Variants in HSD17B12 observed in about 807,000 individuals in gnomAD.
HSD17B12 encodes hydroxysteroid 17-beta dehydrogenase 12.
In HSD17B12, 32 loss-of-function variants were observed where a neutral mutation model predicts 39.3. That is an observed-to-expected ratio of 0.81 (90% CI 0.61 to 1.09). HSD17B12 has a LOEUF of 1.09. Ranked by LOEUF, HSD17B12 falls within the 50% of genes least tolerant of loss-of-function variation. HSD17B12 has a pLI of 0.00. For missense variants in HSD17B12, 342 were observed against 382.9 expected (o/e 0.89, Z 0.89); for synonymous variants, 150 against 146.7 (o/e 1.02, Z -0.16).
chr11:43,703,056 C>T (rs1259760750), intron 1 of HSD17B12, among the ~76,000 whole-genome samples: 1 of 152,060 alleles, frequency 6.6e-6, no homozygotes, highest in Non-Finnish European at 1.5e-5. Flanking sequence ...TGATGTACCT[C>T]TGTCTAGTTT....
chr11:43,619,748 G>C, the HSD17B12 span, among the ~76,000 whole-genome samples: 1 of 152,136 alleles, frequency 6.6e-6, no homozygotes, highest in Non-Finnish European at 1.5e-5. Flanking sequence ...AGAATGTCCA[G>C]ATTAAAATAT....
At chr11:43,596,026 C>A in the HSD17B12 span, among the ~76,000 whole-genome samples, 1 of 152,206 alleles carries the variant, frequency 6.6e-6, no homozygotes, top group Non-Finnish European at 1.5e-5. Flanking sequence ...GACCATCCAG[C>A]CCAAACTCCC....
chr11:43,788,590 G>A (rs1368590233), intron 3 of HSD17B12, among the ~76,000 whole-genome samples: 3 of 149,596 alleles, frequency 2.0e-5, no homozygotes, highest in Non-Finnish European at 4.4e-5. Context: ...TCTCTCACGG[G>A]ACTAATGAAG....
chr11:43,619,391 TTTC>T, the HSD17B12 span, among the ~76,000 whole-genome samples: 3 of 119,132 alleles, frequency 2.5e-5, no homozygotes, highest in African/African-American at 8.0e-5. Flanking sequence ...TTCTTTTTCT[TTTC>T]TTTTTTTTTT....
chr11:43,767,475 AG>A (rs1368828835), intron 3 of HSD17B12, among the ~76,000 whole-genome samples: 1 of 152,194 alleles, frequency 6.6e-6, no homozygotes, highest in African/African-American at 2.4e-5. Flanking sequence ...TTTATTGAAA[AG>A]GTTCACTTTA....
chr11:43,722,035 T>TA (rs1480982916), intron 1 of HSD17B12, among the ~76,000 whole-genome samples: 3 of 151,740 alleles, frequency 2.0e-5, no homozygotes, highest in African/African-American at 7.3e-5. Flanking sequence ...TGGTATGTAT[T>TA]AGACAGGTCT....
Position 43,680,953 on chromosome 11 carries a change from G to T in HSD17B12, c.126G>T (p.Glu42Asp), listed in dbSNP as rs1949737659. 2 of 1,609,246 alleles carry T rather than the reference G, an allele frequency of 1.2e-6. No homozygotes were observed. The highest frequency in any genetic ancestry group is 2.2e-5 in the South Asian group (2 of 90,924). ...TALRVWGVGN[E>D]AGVGPGLGEW... ...TCCGGGTCTGGGGAGTGGGGAATGA[G>T]GCGGGGGTCGGCCCGGGGCTCGGAG... The change falls in exon 1 of 11, where the codon GAG becomes GAT. Residue 42 changes from glutamate to aspartate, a missense_variant. Physicochemically the swap from Glu to Asp is conservative, Grantham distance 45. Coordinates refer to ENST00000278353, the MANE Select transcript of HSD17B12 (RefSeq NM_016142.3).
chr11:43,826,528 A>C (rs989915592), intron 6 of HSD17B12, among the ~76,000 whole-genome samples: 1 of 152,236 alleles, frequency 6.6e-6, no homozygotes, highest in African/African-American at 2.4e-5. Flanking sequence ...TTATTACAAA[A>C]GGAAAAATTT....
intron 6 of HSD17B12, chr11:43,830,608 G>T: frequency 6.4e-6 from 1 of 155,580 alleles, no homozygotes; most frequent in Non-Finnish European, 1.4e-5. Flanking sequence ...AAGTCATCTT[G>T]GTAGGCAGGA....
intron 5 of HSD17B12, 95 bp from the exon 6 acceptor site, chr11:43,816,251 GA>G: frequency 9.7e-7 from 1 of 1,035,246 alleles, no homozygotes; most frequent in Non-Finnish European, 1.3e-6. Context: ...AATATCTGGG[GA>G]AATGTTCAAT....
At chr11:43,753,754 T>C (rs1950486143) in intron 2 of HSD17B12, among the ~76,000 whole-genome samples, 1 of 151,888 alleles carries the variant, frequency 6.6e-6, no homozygotes, top group African/African-American at 2.4e-5. Flanking sequence ...ATAGAAGTGG[T>C]AGACACTTAA....
chr11:43,844,533 C>T (rs962156516), intron 9 of HSD17B12, among the ~76,000 whole-genome samples: 1 of 151,310 alleles, frequency 6.6e-6, no homozygotes, highest in African/African-American at 2.4e-5. Context: ...ACTGTTTGTT[C>T]TCATTACCTT....
intron 1 of HSD17B12, among the ~76,000 whole-genome samples, chr11:43,713,135 A>AT (rs1950085463): frequency 6.6e-6 from 1 of 152,062 alleles, no homozygotes; most frequent in Non-Finnish European, 1.5e-5. Context: ...GCTTTTTTAA[A>AT]TTTTTTTGTT....
At chr11:43,696,390 T>C (rs1051978723) in intron 1 of HSD17B12, among the ~76,000 whole-genome samples, 3 of 152,218 alleles carry the variant, frequency 2.0e-5, no homozygotes, top group Admixed American at 6.5e-5. Context: ...AAAAGACATT[T>C]ATGTGGCCAA....
chr11:43,836,302 A>C (rs1203530913), intron 7 of HSD17B12, among the ~76,000 whole-genome samples: 1 of 152,144 alleles, frequency 6.6e-6, no homozygotes, highest in African/African-American at 2.4e-5. Flanking sequence ...ATGTGAGAAA[A>C]GGTTAAAATA....
chr11:43,764,048 A>T lies in HSD17B12; in HGVS notation c.283+9927A>T, dbSNP rs533929256. Among the ~76,000 whole-genome samples the T allele has an allele frequency of 2.0e-4, 30 of 152,268 alleles. No homozygotes were observed. In the South Asian group the frequency reaches 5.4e-3, roughly 27 times the overall value. On this transcript the variant is annotated intron_variant, in intron 3 of 10. Transcript: ENST00000278353. ...TTCACAAGTGTCAAGCCTTGGCATT[A>T]TATTTCATACTGTGATAATATCAGA... is the stretch of plus-strand genomic sequence containing the variant.
At chr11:43,680,736 G>A, upstream of HSD17B12, 1 of 1,163,676 alleles carries the variant, frequency 8.6e-7, no homozygotes, top group Non-Finnish European at 1.3e-6. Context: ...GCGCCTATTA[G>A]TGTCATCCTC....
chr11:43,813,084 G>T (rs184631281), intron 4 of HSD17B12, among the ~76,000 whole-genome samples: 2 of 152,024 alleles, frequency 1.3e-5, no homozygotes, highest in Non-Finnish European at 2.9e-5. Flanking sequence ...CTCGTGATCC[G>T]CCTGCCTCAG....
intron 1 of HSD17B12, among the ~76,000 whole-genome samples, chr11:43,709,611 G>T (rs1950046835): frequency 6.6e-6 from 1 of 152,226 alleles, no homozygotes; most frequent in Non-Finnish European, 1.5e-5. Context: ...TGAGTAATTG[G>T]ATTTTTTTCT....
Sources: gnomAD v4.1 joint callset for allele counts (sites outside exome capture counted in the v4.1 genomes callset) on GRCh38, gnomAD v4.1.1 for gene constraint, MANE v1.5 for transcripts, NCBI Gene and HGNC (gene_info 2026-07-23, HGNC 2026-07-21) for gene names.